PPP1R7: variants seen among roughly 807,000 people sequenced by gnomAD.
PPP1R7 encodes the protein protein phosphatase 1 regulatory subunit 7.
Under a neutral mutation model 45.2 loss-of-function variants are expected in PPP1R7, and 18 were observed. The ratio of observed to expected loss-of-function variants is 0.40; its 90% CI spans 0.28 to 0.59. PPP1R7 has a LOEUF of 0.59. Among genes scored for constraint, PPP1R7 ranks in the 20% least tolerant of loss-of-function variants. The pLI is 0.46. For missense variants in PPP1R7, 314 were observed against 455.8 expected, an observed-to-expected ratio of 0.69 and a Z score of 2.83; for synonymous variants, 181 against 183.4, an observed-to-expected ratio of 0.99 and a Z score of 0.11.
intron 2 of PPP1R7, 77 bp from the exon 3 acceptor site, chr2:241,157,730 C>A: frequency 6.9e-7 from 1 of 1,439,998 alleles, no homozygotes; most frequent in Non-Finnish European, 9.6e-7. Context: ...AGCCCCAGAC[C>A]TCAGCCAGAA....
intron 1 of PPP1R7, 113 bp downstream of exon 1, chr2:241,150,660 C>T: frequency 8.4e-6 from 11 of 1,316,060 alleles, no homozygotes; most frequent in East Asian, 3.1e-5. Flanking sequence ...GCCGCCGCCG[C>T]GCGGCCCCCT....
At chr2:241,149,795 C>T, upstream of PPP1R7, 1 of 1,534,320 alleles carries the variant, frequency 6.5e-7, no homozygotes, top group East Asian at 2.4e-5. Context: ...GGTGGCTCCG[C>T]AGGGTAGACG....
At chr2:241,153,410 T>A in intron 1 of PPP1R7, 66 bp from the exon 2 acceptor site, 4 of 1,592,358 alleles carry the variant, frequency 2.5e-6, no homozygotes, top group Non-Finnish European at 3.4e-6. Flanking sequence ...CAACCGGGTG[T>A]TTATTATATG....
At chr2:241,169,137 G>A (rs1559424948) in intron 8 of PPP1R7, among the ~76,000 whole-genome samples, 2 of 152,212 alleles carry the variant, frequency 1.3e-5, no homozygotes, top group Non-Finnish European at 2.9e-5. Context: ...CCCAGTGGGG[G>A]CACACACCCT....
At chr2:241,154,922 T>C (rs2067418036) in intron 2 of PPP1R7, 1 of 152,260 alleles carries the variant, frequency 6.6e-6, no homozygotes, top group Non-Finnish European at 1.5e-5. Context: ...AATAACATTG[T>C]GCTCTCTGTG....
chr2:241,183,524 C>T lies in PPP1R7; in HGVS notation c.*701C>T, dbSNP rs1212945021. The T allele has an allele frequency of 1.1e-5, 5 of 460,542 alleles. No homozygotes were observed. The highest frequency in any genetic ancestry group is 2.0e-5 in the African/African-American group (1 of 49,616). 28.5% of individuals were successfully genotyped at this position (460,542 alleles called of 1,614,324 possible). On this transcript the variant is annotated 3_prime_UTR_variant, in exon 10 of 10. Transcript: ENST00000234038. The stretch of plus-strand genomic sequence containing the variant: ...ACGGTGCTGTGCTGCTGCCAGAATA[C>T]GAGTCCCATTGAGCCTCTCCAAAGA...
chr2:241,156,028 G>A (rs981434643), intron 2 of PPP1R7, among the ~76,000 whole-genome samples: 2 of 152,178 alleles, frequency 1.3e-5, no homozygotes, highest in Non-Finnish European at 2.9e-5. Context: ...AAACAATGAA[G>A]TGAATGCAAC....
At chr2:241,165,260 G>A (rs964365425) in intron 7 of PPP1R7, among the ~76,000 whole-genome samples, 1 of 151,252 alleles carries the variant, frequency 6.6e-6, no homozygotes, top group African/African-American at 2.4e-5. Context: ...CTCAGCTTCT[G>A]GGTTCAAGCG....
chr2:241,154,179 CAAAAAAAAAA>C (rs1167747738), intron 2 of PPP1R7, among the ~76,000 whole-genome samples: 30 of 50,492 alleles, frequency 5.9e-4, no homozygotes, highest in African/African-American at 2.0e-3. Context: ...TACTCCTTCT[CAAAAAAAAAA>C]AAAAAAAAAA....
intron 9 of PPP1R7, among the ~76,000 whole-genome samples, chr2:241,174,233 T>C (rs181667540): frequency 1.3e-5 from 2 of 152,308 alleles, no homozygotes; most frequent in East Asian, 3.9e-4. Flanking sequence ...GAATATCCTG[T>C]GTATTTAAGT....
chr2:241,172,355 T>C (rs1380255196), intron 9 of PPP1R7, among the ~76,000 whole-genome samples: 2 of 152,140 alleles, frequency 1.3e-5, no homozygotes, highest in Non-Finnish European at 2.9e-5. Flanking sequence ...TTAAAGAAAT[T>C]TAAAAATGGC....
At chr2:241,174,738 G>A (rs539193108) in intron 9 of PPP1R7, among the ~76,000 whole-genome samples, 55 of 150,748 alleles carry the variant, frequency 3.6e-4, no homozygotes, top group African/African-American at 1.3e-3. Context: ...GCAGTGGCGC[G>A]ATCTCAGCTC....
chr2:241,154,179 C>CAAAAAA (rs1167747738), intron 2 of PPP1R7, among the ~76,000 whole-genome samples: 4 of 50,482 alleles, frequency 7.9e-5, no homozygotes, highest in South Asian at 1.0e-3. Flanking sequence ...TACTCCTTCT[C>CAAAAAA]AAAAAAAAAA....
intron 9 of PPP1R7, among the ~76,000 whole-genome samples, chr2:241,170,560 G>C (rs1191021844): frequency 6.6e-6 from 1 of 152,232 alleles, no homozygotes; most frequent in Non-Finnish European, 1.5e-5. Flanking sequence ...CTGCGGCACA[G>C]GTGTCACCCT....
At chr2:241,163,116 T>A (rs185540003) in intron 6 of PPP1R7, among the ~76,000 whole-genome samples, 169 bp from the exon 7 acceptor site, 46 of 152,260 alleles carry the variant, frequency 3.0e-4, no homozygotes, top group Admixed American at 5.2e-4. Flanking sequence ...TCGCCACTAT[T>A]GTATTCTACC....
chr2:241,151,542 G>A (rs1185213564), intron 1 of PPP1R7: 5 of 471,116 alleles, frequency 1.1e-5, no homozygotes, highest in Admixed American at 2.3e-5. Flanking sequence ...GGAGAAAACT[G>A]CTGTCAAAAG....
intron 4 of PPP1R7, 151 bp from the exon 5 acceptor site, chr2:241,159,062 C>T (rs539751115): frequency 3.0e-6 from 3 of 991,126 alleles, no homozygotes; most frequent in South Asian, 3.1e-5. Context: ...CCACCTGCCT[C>T]TCAAAGGTCA....
intron 9 of PPP1R7, among the ~76,000 whole-genome samples, chr2:241,176,148 A>G (rs1371847125): frequency 2.6e-5 from 4 of 152,142 alleles, no homozygotes; most frequent in Admixed American, 6.6e-5. Context: ...CCTGAACTCA[A>G]GCAATCCTCC....
chr2:241,169,233 CAA>C (rs1471744359), intron 8 of PPP1R7, among the ~76,000 whole-genome samples: 1 of 152,196 alleles, frequency 6.6e-6, no homozygotes, highest in African/African-American at 2.4e-5. Flanking sequence ...TTTTCCCAGA[CAA>C]GAGTGTAGGC....
Sources: allele counts gnomAD v4.1 joint callset (sites outside exome capture counted in the v4.1 genomes callset), GRCh38; gene constraint gnomAD v4.1.1; transcripts MANE v1.5; gene names NCBI Gene and HGNC (gene_info 2026-07-23, HGNC 2026-07-21).